Variants in SFMBT2 observed in about 807,000 individuals in gnomAD.
SFMBT2 encodes Scm like with four mbt domains 2, also known as scm-like with four MBT domains protein 2.
In SFMBT2, 38 loss-of-function variants were observed where a neutral mutation model predicts 110.1. The ratio of observed to expected loss-of-function variants is 0.35; its 90% confidence interval spans 0.27 to 0.45. The LOEUF (loss-of-function observed/expected upper bound fraction) is 0.45. SFMBT2 is among the 20% of genes least tolerant of loss of function. The pLI is 1.00. For missense variants in SFMBT2, 1,011 were observed against 1,094.9 expected (o/e 0.92, Z 1.08); for synonymous variants, 425 against 425.4 (o/e 1.00, Z 0.01).
At chr10:7,176,555 G>A (rs1838061770) in intron 16 of SFMBT2, 1 of 953,224 alleles carries the variant, frequency 1.0e-6, no homozygotes, top group East Asian at 1.2e-4. Flanking sequence ...TGAAAAATGT[G>A]AGTGCATATG....
chr10:7,196,620 C>A (rs1838775992), intron 15 of SFMBT2, among the ~76,000 whole-genome samples: 1 of 152,224 alleles, frequency 6.6e-6, no homozygotes, highest in South Asian at 2.1e-4. Context: ...TAATCCAATG[C>A]TTCCGATGGT....
At chr10:7,203,139 A>G in intron 12 of SFMBT2, 3 of 962,962 alleles carry the variant, frequency 3.1e-6, no homozygotes, top group South Asian at 4.8e-5. Flanking sequence ...TTTGGCTCAG[A>G]TAATCCTACA....
chr10:7,254,710 C>T (rs907805674), intron 7 of SFMBT2, among the ~76,000 whole-genome samples: 3 of 152,074 alleles, frequency 2.0e-5, no homozygotes, highest in Admixed American at 2.0e-4. Flanking sequence ...CACCTGTAGT[C>T]CTAGCTACTC....
intron 4 of SFMBT2, among the ~76,000 whole-genome samples, chr10:7,334,314 C>T (rs1193758572): frequency 6.6e-6 from 1 of 152,178 alleles, no homozygotes. Flanking sequence ...AAAGCCACCA[C>T]CAGGAGCCTG....
At chr10:7,272,236 T>C (rs1328360627) in intron 7 of SFMBT2, among the ~76,000 whole-genome samples, 1 of 152,118 alleles carries the variant, frequency 6.6e-6, no homozygotes, top group African/African-American at 2.4e-5. Context: ...TTTCACCTCC[T>C]CCTAAACTCT....
chr10:7,239,866 G>A (rs1360755649), intron 9 of SFMBT2, among the ~76,000 whole-genome samples: 1 of 151,646 alleles, frequency 6.6e-6, no homozygotes, highest in African/African-American at 2.4e-5. Flanking sequence ...CGTTAGATTT[G>A]GTATCTTAAG....
chr10:7,204,249 T>A, intron 12 of SFMBT2: 1 of 699,270 alleles, frequency 1.4e-6, no homozygotes, highest in Non-Finnish European at 1.8e-6. Context: ...GTGCTCTTAA[T>A]AATGCTAACT....
intron 9 of SFMBT2, among the ~76,000 whole-genome samples, chr10:7,234,655 G>A (rs887463061): frequency 6.6e-6 from 1 of 152,126 alleles, no homozygotes; most frequent in Admixed American, 6.5e-5. Flanking sequence ...CTAGAAATGA[G>A]ACTTGCTTCC....
chr10:7,350,114 G>A lies in SFMBT2; in HGVS notation c.436+17535C>T, dbSNP rs564354926. On this transcript the variant is annotated intron_variant, in intron 4 of 20. Coordinates refer to ENST00000397167, the MANE Select transcript of SFMBT2 (RefSeq NM_001387889.1). Reference sequence around the variant, plus strand: ...TTCTTCCCATCGTGTTCGTGGCTAGGTCATGGTGGCAAAGTCAACCTTGAT... The same window carrying A: ...TTCTTCCCATCGTGTTCGTGGCTAGATCATGGTGGCAAAGTCAACCTTGAT... Among the ~76,000 whole-genome samples, 3 of 152,106 alleles carry A rather than the reference G, an allele frequency of 2.0e-5. No individual in the cohort carries two copies. In the South Asian group the frequency reaches 6.2e-4, roughly 32 times the overall value.
intron 4 of SFMBT2, among the ~76,000 whole-genome samples, chr10:7,332,015 C>CAAAAA (rs1491320070): frequency 7.9e-4 from 28 of 35,466 alleles, no homozygotes; most frequent in Non-Finnish European, 9.1e-4. Flanking sequence ...GACTCTGTCT[C>CAAAAA]AAAAAAAAAA....
At chr10:7,332,662 G>GA (rs975688826) in intron 4 of SFMBT2, among the ~76,000 whole-genome samples, 5 of 151,226 alleles carry the variant, frequency 3.3e-5, no homozygotes, top group South Asian at 2.1e-4. Context: ...ATTCTCCTAG[G>GA]AAAAAAAAAT....
At chr10:7,371,694 CA>C (rs1263811468) in intron 2 of SFMBT2, among the ~76,000 whole-genome samples, 3 of 152,090 alleles carry the variant, frequency 2.0e-5, no homozygotes, top group African/African-American at 7.2e-5. Flanking sequence ...ACGAGAGTTC[CA>C]AAAGTTTAGA....
At chr10:7,233,055 C>G (rs1201370008) in intron 9 of SFMBT2, among the ~76,000 whole-genome samples, 1 of 152,110 alleles carries the variant, frequency 6.6e-6, no homozygotes, top group African/African-American at 2.4e-5. Flanking sequence ...ACAAAAGAGA[C>G]ATGCAGGAAT....
intron 2 of SFMBT2, among the ~76,000 whole-genome samples, chr10:7,377,425 C>G (rs1845269428): frequency 6.6e-6 from 1 of 152,094 alleles, no homozygotes; most frequent in African/African-American, 2.4e-5. Flanking sequence ...CAGGACAATT[C>G]AAGCACATTA....
chr10:7,248,588 A>G lies in SFMBT2; in HGVS notation c.932T>C (p.Met311Thr). ...AGGAGAGATGTAAAAGGGCTCGCAC[A>G]TATTCACTGTCTCAAGCTTCATCCC... ...TVGMKLETVN[M>T]CEPFYISPAS... is the part of the protein sequence containing the mutation. Residue 311 changes from methionine (M) to threonine (T), a missense_variant, in exon 8 of 21, where the codon ATG becomes ACG. Transcript: ENST00000397167. 8 of 1,614,216 alleles carry G rather than the reference A, an allele frequency of 5.0e-6. No individual in the cohort carries two copies. The highest frequency in any genetic ancestry group is 5.9e-6 in the Non-Finnish European group (7 of 1,180,036).
intron 4 of SFMBT2, among the ~76,000 whole-genome samples, chr10:7,296,738 G>A (rs1227749199): frequency 6.6e-6 from 1 of 152,208 alleles, no homozygotes; most frequent in African/African-American, 2.4e-5. Context: ...GGATTTTTCT[G>A]GGAGGGTGAT....
intron 4 of SFMBT2, among the ~76,000 whole-genome samples, chr10:7,331,095 T>A (rs1294307480): frequency 1.3e-5 from 2 of 152,256 alleles, no homozygotes; most frequent in African/African-American, 2.4e-5. Context: ...CCTCTGTGAC[T>A]TCTTTGGTAC....
At chr10:7,219,010 A>G (rs1839634888) in intron 11 of SFMBT2, among the ~76,000 whole-genome samples, 1 of 152,254 alleles carries the variant, frequency 6.6e-6, no homozygotes. Flanking sequence ...GCACTAAGTA[A>G]TAAGGATAAA....
intron 1 of SFMBT2, among the ~76,000 whole-genome samples, chr10:7,401,962 G>A (rs946156999): frequency 5.3e-5 from 8 of 152,068 alleles, no homozygotes; most frequent in Non-Finnish European, 1.0e-4. Flanking sequence ...GTCTTTAATT[G>A]AAGAACTGCA....
Sources: allele counts gnomAD v4.1 joint callset (sites outside exome capture counted in the v4.1 genomes callset), GRCh38; gene constraint gnomAD v4.1.1; transcripts MANE v1.5; gene names NCBI Gene and HGNC (gene_info 2026-07-23, HGNC 2026-07-21).